Variants in ADAM10 observed in about 807,000 individuals in gnomAD.
The protein encoded by ADAM10 is ADAM metallopeptidase domain 10.
Under a neutral mutation model 90.1 loss-of-function variants are expected in ADAM10, and 17 were observed. The observed-to-expected ratio is 0.19, with a 90% CI of 0.13 to 0.28. ADAM10 has a LOEUF of 0.28. ADAM10 is among the 10% of genes least tolerant of loss of function. The probability of loss-of-function intolerance (pLI) is 1.00; values close to 1 mark genes in which losing one functional copy is unlikely to be tolerated. For missense variants in ADAM10, 610 were observed against 914.3 expected, an observed-to-expected ratio of 0.67 and a Z score of 4.29; for synonymous variants, 310 against 298.6, an observed-to-expected ratio of 1.04 and a Z score of -0.40.
chr15:58,740,178 TGAA>T (rs1449932208), intron 1 of ADAM10, among the ~76,000 whole-genome samples: 1 of 152,144 alleles, frequency 6.6e-6, no homozygotes, highest in Non-Finnish European at 1.5e-5. Flanking sequence ...TTTGGGAGGC[TGAA>T]GGAGGATCAC....
At position 58,749,558 on chromosome 15, in the gene ADAM10, G is replaced by T; in HGVS notation, c.-24C>A. On this transcript the variant is annotated 5_prime_UTR_variant, in exon 1 of 16. Coordinates refer to ENST00000260408, the MANE Select transcript of ADAM10 (RefSeq NM_001110.4). ...ATCTTCCGCTGCCGCTGCCGCCGCCGCCGCCTCCTCACGGGTTAACAGCAG... is the reference window on the plus strand; with the variant it reads ...ATCTTCCGCTGCCGCTGCCGCCGCCTCCGCCTCCTCACGGGTTAACAGCAG... 4 of 1,548,840 alleles carry T rather than the reference G, an allele frequency of 2.6e-6. No homozygotes were observed. The highest frequency in any genetic ancestry group is 3.5e-6 in the Non-Finnish European group (4 of 1,145,602).
chr15:58,631,658 C>T (rs986461648), intron 9 of ADAM10, among the ~76,000 whole-genome samples: 2 of 152,144 alleles, frequency 1.3e-5, no homozygotes, highest in Admixed American at 6.6e-5. Flanking sequence ...GGACTAAAGG[C>T]CAGACAAGTA....
chr15:58,589,850 C>T lies in ADAM10; in HGVS notation c.*7697G>A, dbSNP rs1759933058. 1.3e-5 allele frequency: 2 copies of T among 152,134 alleles called. No homozygotes were observed. Among genetic ancestry groups the T allele is most frequent in the African/African-American group, 2.4e-5 (1 of 41,398 alleles). The allele number at this position is 152,134 out of a possible 1,614,324, so 9.4% of individuals were successfully genotyped here. Reference sequence around the variant, plus strand: ...CGCCCAGGTCTGAAAAGCGAAGCGCCTTTCACAACTCCCAGATTGTTGGGC... The same window carrying T: ...CGCCCAGGTCTGAAAAGCGAAGCGCTTTTCACAACTCCCAGATTGTTGGGC... On this transcript the variant is annotated 3_prime_UTR_variant, in exon 16 of 16. Transcript: ENST00000260408.
intron 3 of ADAM10, among the ~76,000 whole-genome samples, chr15:58,681,925 T>C (rs868543740): frequency 6.6e-6 from 1 of 152,182 alleles, no homozygotes; most frequent in Non-Finnish European, 1.5e-5. Flanking sequence ...CAGAAGTCGT[T>C]AAAACTTTTG....
intron 5 of ADAM10, among the ~76,000 whole-genome samples, chr15:58,646,799 C>T (rs1283477761): frequency 5.3e-5 from 8 of 152,200 alleles, no homozygotes; most frequent in African/African-American, 1.9e-4. Context: ...TCTTTATATG[C>T]TCCCCTAAAT....
intron 5 of ADAM10, among the ~76,000 whole-genome samples, chr15:58,651,038 T>C (rs895209176): frequency 1.3e-5 from 2 of 152,080 alleles, no homozygotes; most frequent in Non-Finnish European, 2.9e-5. Context: ...ATCCAAAATA[T>C]TTTATAATAT....
intron 5 of ADAM10, among the ~76,000 whole-genome samples, chr15:58,650,190 T>C (rs1049385444): frequency 1.3e-5 from 2 of 152,206 alleles, no homozygotes; most frequent in African/African-American, 4.8e-5. Context: ...ATTTCCTTTG[T>C]CAGTTGACTC....
At chr15:58,660,420 T>C (rs1329536335) in intron 5 of ADAM10, among the ~76,000 whole-genome samples, 3 of 148,754 alleles carry the variant, frequency 2.0e-5, no homozygotes, top group Non-Finnish European at 3.0e-5. Flanking sequence ...TCATTTGGTC[T>C]TTTTTTTTTA....
rs1380473613 is a variant in ADAM10, at chr15:58,749,692, T to C, written c.-158A>G. 4.9e-6 allele frequency: 7 copies of C among 1,434,036 alleles called. No individual in the cohort carries two copies. Among genetic ancestry groups the C allele is most frequent in the Non-Finnish European group, 5.5e-6 (6 of 1,082,260 alleles). The allele number at this position is 1,434,036 out of a possible 1,614,324, so 88.8% of individuals were successfully genotyped here. A position where few individuals can be genotyped will look rare whatever the true frequency, so the allele number is the denominator to read the frequency against. ...GCGAAGCACCTCCCTCTCGCTCCAC[T>C]TCAGGGGCCGGCAACGCTCCTAGCT... On this transcript the variant is annotated 5_prime_UTR_variant, in exon 1 of 16. Transcript: ENST00000260408.
intron 10 of ADAM10, among the ~76,000 whole-genome samples, chr15:58,622,477 G>T (rs1895814896): frequency 6.6e-6 from 1 of 152,056 alleles, no homozygotes; most frequent in Admixed American, 6.5e-5. Context: ...CCATTGATCT[G>T]TTAAAGAAGT....
In ADAM10 at chr15:58,663,931, AAC is replaced by A. The variant is rs571276016; in HGVS notation, c.585+1164_585+1165del. On this transcript the variant is annotated intron_variant, in intron 5 of 15. Transcript: ENST00000260408. ...CACCATGCTAAATTCTATCATATCT[AAC>A]AGTCTATAATCTCAACCCCTCTATC... Among the ~76,000 whole-genome samples the A allele has an allele frequency of 2.0e-3, 299 of 152,222 alleles. 1 individual carries two copies. The highest frequency in any genetic ancestry group is 6.8e-3 in the Middle Eastern group (2 of 294).
At chr15:58,669,347 A>T (rs566790140) in intron 4 of ADAM10, among the ~76,000 whole-genome samples, 1 of 152,322 alleles carries the variant, frequency 6.6e-6, no homozygotes, top group Non-Finnish European at 1.5e-5. Flanking sequence ...CAGTCATATG[A>T]TCAATGACCA....
intron 10 of ADAM10, among the ~76,000 whole-genome samples, chr15:58,625,749 C>G (rs1824054289): frequency 6.6e-6 from 1 of 152,288 alleles, no homozygotes. Flanking sequence ...ACACTGGAAA[C>G]AGCCCAGATG....
chr15:58,712,676 A>G (rs1898514010), intron 2 of ADAM10, among the ~76,000 whole-genome samples: 1 of 151,188 alleles, frequency 6.6e-6, no homozygotes, highest in Non-Finnish European at 1.5e-5. Context: ...AAAAAAAAAA[A>G]TTAGCCGGGA....
intron 8 of ADAM10, 39 bp downstream of exon 8, chr15:58,640,738 C>T: frequency 6.3e-7 from 1 of 1,591,394 alleles, no homozygotes; most frequent in Non-Finnish European, 8.6e-7. Flanking sequence ...CCCTTTGTTT[C>T]AAGTAGTAAG....
chr15:58,742,698 C>T (rs1899654641), intron 1 of ADAM10, among the ~76,000 whole-genome samples: 1 of 152,172 alleles, frequency 6.6e-6, no homozygotes, highest in African/African-American at 2.4e-5. Flanking sequence ...TTCCACTTGT[C>T]CTTAACATTG....
At chr15:58,702,191 A>G (rs1341418627) in intron 2 of ADAM10, among the ~76,000 whole-genome samples, 1 of 152,218 alleles carries the variant, frequency 6.6e-6, no homozygotes, top group African/African-American at 2.4e-5. Context: ...AACTAAGCCA[A>G]GCACAAAAAG....
chr15:58,705,881 CTCT>C (rs1382171544), intron 2 of ADAM10, among the ~76,000 whole-genome samples: 5 of 152,216 alleles, frequency 3.3e-5, no homozygotes, highest in South Asian at 2.1e-4. Context: ...CATAATTGTT[CTCT>C]TTTGTTATTT....
At chr15:58,645,867 T>C (rs1308025609) in intron 6 of ADAM10, among the ~76,000 whole-genome samples, 188 bp downstream of exon 6, 1 of 152,188 alleles carries the variant, frequency 6.6e-6, no homozygotes, top group Admixed American at 6.5e-5. Flanking sequence ...CCCCTCTCTT[T>C]TGACACTAAA....
Sources: gnomAD v4.1 joint callset for allele counts (sites outside exome capture counted in the v4.1 genomes callset) on GRCh38, gnomAD v4.1.1 for gene constraint, MANE v1.5 for transcripts, NCBI Gene and HGNC (gene_info 2026-07-23, HGNC 2026-07-21) for gene names.